Variants in RAB3GAP1 observed in about 807,000 individuals in gnomAD.
RAB3GAP1 encodes the protein rab3 GTPase-activating protein catalytic subunit.
RAB3GAP1 carries 86 observed loss-of-function variants against 130.7 expected under a neutral mutation model. The ratio of observed to expected loss-of-function variants is 0.66; its 90% CI spans 0.55 to 0.79. RAB3GAP1 has a LOEUF of 0.79. Among genes scored for constraint, RAB3GAP1 ranks in the 30% least tolerant of loss-of-function variants. The pLI is 0.00. For missense variants in RAB3GAP1, 1,029 were observed against 1,169.4 expected (o/e 0.88, Z 1.75); for synonymous variants, 367 against 401.7 (o/e 0.91, Z 1.03).
chr2:135,064,448 T>G (rs1689261269), intron 3 of RAB3GAP1, among the ~76,000 whole-genome samples: 1 of 152,184 alleles, frequency 6.6e-6, no homozygotes, highest in Non-Finnish European at 1.5e-5. Flanking sequence ...TTTCTTCTTT[T>G]GTTTCCAACT....
intron 9 of RAB3GAP1, among the ~76,000 whole-genome samples, chr2:135,125,874 T>C (rs1021481342): frequency 5.3e-5 from 8 of 152,254 alleles, no homozygotes; most frequent in Non-Finnish European, 8.8e-5. Flanking sequence ...GAGGAACTAA[T>C]GTACTTCTGT....
chr2:135,105,153 G>A (rs926348558), intron 5 of RAB3GAP1, among the ~76,000 whole-genome samples: 3 of 151,468 alleles, frequency 2.0e-5, no homozygotes, highest in East Asian at 2.0e-4. Flanking sequence ...GAGAAAGAAA[G>A]TGGTAGAAAA....
intron 24 of RAB3GAP1, among the ~76,000 whole-genome samples, chr2:135,175,760 C>T (rs1573632416): frequency 6.6e-6 from 1 of 152,252 alleles, no homozygotes; most frequent in East Asian, 1.9e-4. Context: ...TTAGGGGATA[C>T]ATTTTCAATT....
rs1277254399 is a variant in RAB3GAP1, at chr2:135,135,912, C to T, written c.1903C>T (p.Leu635Phe). The T allele has an allele frequency of 1.9e-6, 3 of 1,613,904 alleles. No homozygotes were observed. Among genetic ancestry groups the T allele is most frequent in the Non-Finnish European group, 2.5e-6 (3 of 1,179,854 alleles). ...TACACTGCTGCATAATGGAGAACCT[C>T]TCTACATTCCAGTAACCCAGGTAGG... The part of the protein sequence containing the change: ...KLTLLHNGEP[L>F]YIPVTQEPAP... The change falls in exon 17 of 24, where the codon CTC becomes TTC. Residue 635 changes from leucine (L) to phenylalanine (F), a missense_variant. By Grantham distance (22) the Leu-to-Phe change is conservative. This residue lies in a region of RAB3GAP1 where 373 missense variants were observed against 493.6 expected (regional missense o/e 0.76). Transcript: ENST00000264158.
intron 5 of RAB3GAP1, among the ~76,000 whole-genome samples, chr2:135,098,346 G>GT (rs1690359004): frequency 6.6e-6 from 1 of 152,108 alleles, no homozygotes; most frequent in African/African-American, 2.4e-5. Flanking sequence ...AAGATTATCT[G>GT]TAACAGATAA....
At chr2:135,165,070 G>T in intron 23 of RAB3GAP1, 2 of 445,322 alleles carry the variant, frequency 4.5e-6, no homozygotes, top group East Asian at 7.0e-5. Context: ...TAAACCCCAT[G>T]TAGGGCAAAG....
chr2:135,065,481 A>C (rs531463693), intron 3 of RAB3GAP1, among the ~76,000 whole-genome samples: 1 of 152,370 alleles, frequency 6.6e-6, no homozygotes, highest in East Asian at 1.9e-4. Context: ...ACAGATTTGC[A>C]AAAAGGTAGA....
chr2:135,088,114 A>G (rs1690039072), intron 3 of RAB3GAP1, among the ~76,000 whole-genome samples: 1 of 152,294 alleles, frequency 6.6e-6, no homozygotes, highest in East Asian at 1.9e-4. Flanking sequence ...TAAGGTTGAC[A>G]ATAGTACCGG....
At chr2:135,064,168 A>C (rs1346896273) in intron 3 of RAB3GAP1, among the ~76,000 whole-genome samples, 1 of 152,082 alleles carries the variant, frequency 6.6e-6, no homozygotes, top group Non-Finnish European at 1.5e-5. Flanking sequence ...TGATGTGCAC[A>C]GATACGTTTT....
intron 17 of RAB3GAP1, among the ~76,000 whole-genome samples, chr2:135,148,257 T>C (rs1235722060): frequency 6.6e-6 from 1 of 152,174 alleles, no homozygotes; most frequent in East Asian, 1.9e-4. Context: ...ATTTCAAGCT[T>C]TAGAAGTTAG....
At chr2:135,069,401 T>C (rs1280480856) in intron 3 of RAB3GAP1, among the ~76,000 whole-genome samples, 1 of 152,152 alleles carries the variant, frequency 6.6e-6, no homozygotes, top group African/African-American at 2.4e-5. Flanking sequence ...TAATTAACCA[T>C]TTTCTGTACT....
chr2:135,107,811 A>T (rs894735602), intron 5 of RAB3GAP1, among the ~76,000 whole-genome samples: 1 of 151,924 alleles, frequency 6.6e-6, no homozygotes, highest in African/African-American at 2.4e-5. Context: ...CGTCTCTACT[A>T]AAAATACAAA....
downstream of RAB3GAP1, among the ~76,000 whole-genome samples, chr2:135,172,755 G>C (rs889657273): frequency 6.6e-6 from 1 of 152,166 alleles, no homozygotes; most frequent in Non-Finnish European, 1.5e-5. Context: ...ATTTGAGCTT[G>C]GGCCATGTTA....
intron 17 of RAB3GAP1, 92 bp downstream of exon 17, chr2:135,136,024 A>G (rs1691671857): frequency 2.0e-6 from 3 of 1,534,180 alleles, no homozygotes; most frequent in Non-Finnish European, 2.7e-6. Context: ...AAGGAAAATT[A>G]TCCAAAAAGT....
intron 5 of RAB3GAP1, among the ~76,000 whole-genome samples, chr2:135,101,673 G>A (rs887987679): frequency 9.2e-5 from 14 of 152,154 alleles, no homozygotes; most frequent in Admixed American, 5.9e-4. Flanking sequence ...TATAAAAGTG[G>A]ACTTTAAAAG....
chr2:135,148,201 T>A (rs538271660), intron 17 of RAB3GAP1, among the ~76,000 whole-genome samples: 1 of 152,192 alleles, frequency 6.6e-6, no homozygotes, highest in Non-Finnish European at 1.5e-5. Context: ...AGTGTACTTA[T>A]ATGAAATGGT....
chr2:135,156,347 T>C (rs1338063161), intron 19 of RAB3GAP1, among the ~76,000 whole-genome samples: 1 of 152,180 alleles, frequency 6.6e-6, no homozygotes, highest in Non-Finnish European at 1.5e-5. Context: ...GTGAAGCAAC[T>C]ATAACATTGG....
intron 17 of RAB3GAP1, among the ~76,000 whole-genome samples, chr2:135,144,327 G>A (rs975988560): frequency 6.6e-6 from 1 of 150,822 alleles, no homozygotes; most frequent in Non-Finnish European, 1.5e-5. Flanking sequence ...CTGAAGTCGG[G>A]TGGTTTCTCT....
chr2:135,150,370 A>T lies in RAB3GAP1; in HGVS notation c.1925A>T (p.Glu642Val). 6.2e-7 allele frequency: 1 copy of T among 1,614,186 alleles called. No individual in the cohort carries two copies. Among genetic ancestry groups the T allele is most frequent in the Non-Finnish European group, 8.5e-7 (1 of 1,180,030 alleles). ...GCCTTGTCCTTTTGTGCTTCACAGGAACCAGCACCTATGACAGAAGATCTG... is the reference window on the plus strand; with the variant it reads ...GCCTTGTCCTTTTGTGCTTCACAGGTACCAGCACCTATGACAGAAGATCTG... The part of the protein sequence containing the change: ...GEPLYIPVTQ[E>V]PAPMTEDLLE... Residue 642 changes from glutamate to valine, a missense_variant and splice_region_variant, in exon 18 of 24, where the codon GAA becomes GTA. This residue lies in a region of RAB3GAP1 where 373 missense variants were observed against 493.6 expected (regional missense o/e 0.76). Transcript: ENST00000264158.
Sources: gnomAD v4.1 joint callset for allele counts (sites outside exome capture counted in the v4.1 genomes callset) on GRCh38, gnomAD v4.1.1 for gene constraint, gnomAD v4.1.1 regional missense constraint, MANE v1.5 for transcripts, NCBI Gene and HGNC (gene_info 2026-07-23, HGNC 2026-07-21) for gene names.